Variants in ZNF490 observed in about 807,000 individuals in gnomAD.
ZNF490 encodes the protein zinc finger protein 490.
A neutral mutation model predicts 17.7 loss-of-function variants in ZNF490; 11 were observed. That is an observed-to-expected ratio of 0.62 (90% CI 0.39 to 1.03). The LOEUF is 1.03. Among genes scored for constraint, ZNF490 ranks in the 50% least tolerant of loss-of-function variants. ZNF490 has a pLI of 0.00. For missense variants in ZNF490, 542 were observed against 643.4 expected, an observed-to-expected ratio of 0.84 and a Z score of 1.71; for synonymous variants, 222 against 216.1, an observed-to-expected ratio of 1.03 and a Z score of -0.24.
intron 2 of ZNF490, among the ~76,000 whole-genome samples, chr19:12,591,574 T>C (rs2022872021): frequency 6.6e-6 from 1 of 151,822 alleles, no homozygotes; most frequent in African/African-American, 2.4e-5. Flanking sequence ...GCAAAAGATA[T>C]GAACATACAC....
rs1485749032 is a variant in ZNF490 at position 12,588,023 on chromosome 19, C to T, written c.163-4467G>A. Among the ~76,000 whole-genome samples, 2 of 94,806 alleles carry T rather than the reference C, an allele frequency of 2.1e-5. 1 individual carries two copies. The highest frequency in any genetic ancestry group is 5.7e-5 in the Non-Finnish European group (2 of 35,136). 62.2% of individuals were successfully genotyped at this position (94,806 alleles called of 152,430 possible). On this transcript the variant is annotated intron_variant, in intron 2 of 4. Coordinates refer to ENST00000311437, the MANE Select transcript of ZNF490 (RefSeq NM_020714.3). ...TAGCTGGAATTGCAGGCACCTGCCA[C>T]CACGCCTGGCTAATTTTTGTATTTT...
chr19:12,587,364 C>T lies in ZNF490; in HGVS notation c.163-3808G>A, dbSNP rs1295363018. Reference sequence around the variant, plus strand: ...GCCCAGGCTTGTCTCAAACTCCTGGCCTCAAGCAATCATCCTGCCTCAGCC... The same window carrying T: ...GCCCAGGCTTGTCTCAAACTCCTGGTCTCAAGCAATCATCCTGCCTCAGCC... On this transcript the variant is annotated intron_variant, in intron 2 of 4. Coordinates refer to ENST00000311437, the MANE Select transcript of ZNF490 (RefSeq NM_020714.3). 2.4e-5 allele frequency among the ~76,000 whole-genome samples: 2 copies of T among 84,316 alleles called. 1 individual carries two copies. Among genetic ancestry groups the T allele is most frequent in the Admixed American group, 2.3e-4 (2 of 8,512 alleles). 55.3% of individuals were successfully genotyped at this position (84,316 alleles called of 152,430 possible). A position where few individuals can be genotyped will look rare whatever the true frequency, so the allele number is the denominator to read the frequency against.
At chr19:12,603,583 G>A (rs995218680) in intron 2 of ZNF490, among the ~76,000 whole-genome samples, 1 of 152,044 alleles carries the variant, frequency 6.6e-6, no homozygotes, top group Non-Finnish European at 1.5e-5. Context: ...TTGAGCTCAG[G>A]TGTTTGAGAC....
intron 2 of ZNF490, among the ~76,000 whole-genome samples, chr19:12,587,125 C>CTTT (rs544385567): frequency 1.5e-5 from 1 of 67,946 alleles, no homozygotes; most frequent in Admixed American, 1.4e-4. Context: ...AAGAAATTCG[C>CTTT]TTTTTTTTTT....
intron 2 of ZNF490, among the ~76,000 whole-genome samples, chr19:12,596,936 G>T (rs1279795973): frequency 2.0e-5 from 3 of 152,198 alleles, no homozygotes; most frequent in African/African-American, 7.2e-5. Flanking sequence ...GGAGACGCGG[G>T]GCTGGGGGCG....
chr19:12,609,304 T>A, intron 1 of ZNF490, 102 bp from the exon 2 acceptor site: 2 of 940,936 alleles, frequency 2.1e-6, no homozygotes, highest in South Asian at 1.4e-5. Flanking sequence ...CATCTACCTG[T>A]ACACACAGAG....
Position 12,577,409 on chromosome 19 carries a change from A to G in ZNF490, c.*3076T>C, listed in dbSNP as rs900585983. 43 of 983,964 alleles carry G rather than the reference A, an allele frequency of 4.4e-5. No individual in the cohort carries two copies. The highest frequency in any genetic ancestry group is 5.1e-5 in the Non-Finnish European group (42 of 828,604). The allele number at this position is 983,964 out of a possible 1,614,324, so 61.0% of individuals were successfully genotyped here. ...GAACTTCCTGACCTCCCACAGTACAATAATCATCTCTCTACAAAAGCACAA... is the reference window on the plus strand; with the variant it reads ...GAACTTCCTGACCTCCCACAGTACAGTAATCATCTCTCTACAAAAGCACAA... On this transcript the variant is annotated 3_prime_UTR_variant, in exon 5 of 5. Coordinates refer to ENST00000311437, the MANE Select transcript of ZNF490 (RefSeq NM_020714.3).
At position 12,609,165 on chromosome 19, in the gene ZNF490, G is replaced by A; in HGVS notation, c.155C>T (p.Thr52Ile). Residue 52 changes from threonine (T) to isoleucine (I), a missense_variant, in exon 2 of 5, where the codon ACT becomes ATT. Transcript: ENST00000311437. ...GGTAGCGATCTCACTTACAGTTTGA[G>A]TCTTGATGCTTTGTCCATGGTGTTC... Reference protein sequence around the residue: ...NSEHHGQSIKTQTDSISLEDV... With the variant: ...NSEHHGQSIKIQTDSISLEDV... The A allele has an allele frequency of 1.2e-6, 2 of 1,614,086 alleles. No homozygotes were observed. The highest frequency in any genetic ancestry group is 1.7e-6 in the Non-Finnish European group (2 of 1,179,998).
In ZNF490 at chr19:12,609,169, T is replaced by G. The variant is rs2023111760; in HGVS notation, c.151A>C (p.Lys51Gln). The change falls in exon 2 of 5, where the codon AAG (lysine) becomes CAG (glutamine). Residue 51 changes from lysine to glutamine, a missense_variant. Physicochemically the swap from Lys to Gln is moderately conservative, Grantham distance 53 (BLOSUM62 1). Transcript: ENST00000311437. Reference protein sequence around the residue: ...QNSEHHGQSIKTQTDSISLED... With the variant: ...QNSEHHGQSIQTQTDSISLED... ...GCGATCTCACTTACAGTTTGAGTCTTGATGCTTTGTCCATGGTGTTCACTG... is the reference window on the plus strand; with the variant it reads ...GCGATCTCACTTACAGTTTGAGTCTGGATGCTTTGTCCATGGTGTTCACTG... 6.2e-7 allele frequency: 1 copy of G among 1,614,134 alleles called. No individual in the cohort carries two copies. Among genetic ancestry groups the G allele is most frequent in the Non-Finnish European group, 8.5e-7 (1 of 1,180,014 alleles).
intron 3 of ZNF490, among the ~76,000 whole-genome samples, 192 bp from the exon 4 acceptor site, chr19:12,583,102 C>T (rs534843069): frequency 6.0e-5 from 9 of 150,366 alleles, no homozygotes; most frequent in African/African-American, 1.7e-4. Context: ...AGTGCAATGG[C>T]GCGGTCTCAG....
At chr19:12,591,127 G>A (rs774497734) in intron 2 of ZNF490, among the ~76,000 whole-genome samples, 7 of 150,272 alleles carry the variant, frequency 4.7e-5, no homozygotes, top group Non-Finnish European at 7.4e-5. Flanking sequence ...GGTGGCTCAT[G>A]CCTGTAATCC....
intron 2 of ZNF490, among the ~76,000 whole-genome samples, chr19:12,602,492 G>A (rs2023019797): frequency 6.6e-6 from 1 of 152,118 alleles, no homozygotes; most frequent in African/African-American, 2.4e-5. Context: ...AAAGGTTGCA[G>A]CGAGCCGAGA....
chr19:12,601,996 C>T (rs1253954748), intron 2 of ZNF490, among the ~76,000 whole-genome samples: 1 of 121,496 alleles, frequency 8.2e-6, no homozygotes, highest in African/African-American at 3.0e-5. Context: ...TCTGACTCAA[C>T]AAAAAAAAAA....
chr19:12,584,399 G>A lies in ZNF490; in HGVS notation c.163-843C>T, dbSNP rs190700700. Among the ~76,000 whole-genome samples, 60 of 91,366 alleles carry A rather than the reference G, an allele frequency of 6.6e-4. 11 individuals carry two copies. The East Asian group carries it at 0.011, about 17-fold the overall frequency. 59.9% of individuals were successfully genotyped at this position (91,366 alleles called of 152,430 possible). A position where few individuals can be genotyped will look rare whatever the true frequency, so the allele number is the denominator to read the frequency against. On this transcript the variant is annotated intron_variant, in intron 2 of 4. Transcript: ENST00000311437. ...TCTTGATCTCCTGACCTCGTGAATC[G>A]CCCCCCTCGGCCTCCCAAAGTGCTG... is the stretch of plus-strand genomic sequence containing the variant.
At position 12,610,719 on chromosome 19, in the gene ZNF490, C is replaced by G; in HGVS notation, c.-39G>C. ...TCCAGAAACACTGCAGGAAGACTTC[C>G]GTGTCCGACCCGAGATCCGGAACAA... On this transcript the variant is annotated 5_prime_UTR_variant, in exon 1 of 5. Transcript: ENST00000311437. 6.3e-7 allele frequency: 1 copy of G among 1,586,360 alleles called. No homozygotes were observed. Among genetic ancestry groups the G allele is most frequent in the Non-Finnish European group, 8.6e-7 (1 of 1,157,698 alleles).
At chr19:12,597,291 T>C in intron 2 of ZNF490, 1 of 429,472 alleles carries the variant, frequency 2.3e-6, no homozygotes, top group Non-Finnish European at 4.8e-6. Context: ...AATAAGGATG[T>C]TCACACGCGC....
chr19:12,601,016 G>A (rs1226240486), intron 2 of ZNF490, among the ~76,000 whole-genome samples: 3 of 151,190 alleles, frequency 2.0e-5, no homozygotes, highest in Admixed American at 1.3e-4. Flanking sequence ...TTTGAGCCTG[G>A]AAGGCAGAGA....
intron 2 of ZNF490, among the ~76,000 whole-genome samples, 192 bp from the exon 3 acceptor site, chr19:12,583,748 A>C (rs2022770487): frequency 8.0e-6 from 1 of 124,936 alleles, no homozygotes; most frequent in Admixed American, 8.4e-5. Flanking sequence ...ACATACAAAA[A>C]TTATTGCGCT....
intron 2 of ZNF490, among the ~76,000 whole-genome samples, chr19:12,583,811 A>ATATATATATATAT (rs1290469134): frequency 5.1e-5 from 4 of 78,668 alleles, no homozygotes; most frequent in Non-Finnish European, 9.1e-5. Flanking sequence ...ATATATATAT[A>ATATATATATATAT]TTTTTTTTTT....
Sources: allele counts gnomAD v4.1 joint callset (sites outside exome capture counted in the v4.1 genomes callset), GRCh38; gene constraint gnomAD v4.1.1; transcripts MANE v1.5; gene names NCBI Gene and HGNC (gene_info 2026-07-23, HGNC 2026-07-21).